GLI2: variants seen among roughly 807,000 people sequenced by gnomAD.
The protein encoded by GLI2 is transcription activator GLI2.
In GLI2, 22 loss-of-function variants were observed where a neutral mutation model predicts 78.9. The observed-to-expected ratio is 0.28, with a 90% CI of 0.20 to 0.40. The LOEUF is 0.40. GLI2 is among the 10% of genes least tolerant of loss of function. The pLI, the probability that GLI2 is intolerant of heterozygous loss-of-function variation, is 1.00. For synonymous variants in GLI2, 974 were observed against 963.7 expected (o/e 1.01, Z -0.20); for missense variants, 2,097 against 2,213.2 (o/e 0.95, Z 1.05).
intron 3 of GLI2, among the ~76,000 whole-genome samples, chr2:120,945,757 CAA>C (rs1180969932): frequency 6.6e-6 from 1 of 152,146 alleles, no homozygotes; most frequent in Non-Finnish European, 1.5e-5. Context: ...CAGAGAGAAC[CAA>C]AGACTCTAGC....
intron 1 of GLI2, among the ~76,000 whole-genome samples, chr2:120,779,946 C>G (rs969350436): frequency 6.6e-6 from 1 of 152,142 alleles, no homozygotes; most frequent in Non-Finnish European, 1.5e-5. Flanking sequence ...GTATGTGTCA[C>G]GGGTGTGTTT....
chr2:120,881,818 C>T (rs1253450250), intron 2 of GLI2, among the ~76,000 whole-genome samples: 5 of 9,650 alleles, frequency 5.2e-4, no homozygotes, highest in Non-Finnish European at 1.0e-3. Flanking sequence ...GGAGAACAGT[C>T]GTGGGGACAG....
At chr2:120,871,531 C>T (rs1688430662) in intron 2 of GLI2, among the ~76,000 whole-genome samples, 1 of 152,244 alleles carries the variant, frequency 6.6e-6, no homozygotes, top group African/African-American at 2.4e-5. Flanking sequence ...TCCTCCTGTG[C>T]ACCGGAGCTG....
At chr2:120,947,214 C>G (rs184922678) in intron 3 of GLI2, among the ~76,000 whole-genome samples, 1 of 152,342 alleles carries the variant, frequency 6.6e-6, no homozygotes, top group African/African-American at 2.4e-5. Context: ...ACTTCCCTGC[C>G]AGGGCACAGG....
chr2:120,785,269 G>A (rs533627046), intron 1 of GLI2, among the ~76,000 whole-genome samples: 6 of 152,300 alleles, frequency 3.9e-5, no homozygotes, highest in East Asian at 3.9e-4. Context: ...ATCCAGGGCC[G>A]GCTTAGCACG....
At chr2:120,940,346 C>T (rs567866899) in intron 3 of GLI2, among the ~76,000 whole-genome samples, 3 of 152,194 alleles carry the variant, frequency 2.0e-5, no homozygotes, top group Admixed American at 1.3e-4. Flanking sequence ...GATGTCTGGT[C>T]AGACCTTCAG....
intron 10 of GLI2, among the ~76,000 whole-genome samples, chr2:120,980,698 C>T (rs546104838): frequency 6.6e-6 from 1 of 152,140 alleles, no homozygotes; most frequent in African/African-American, 2.4e-5. Flanking sequence ...TTGCCTAATC[C>T]AAGGTCACAA....
At chr2:120,897,304 C>T (rs979856568) in intron 2 of GLI2, among the ~76,000 whole-genome samples, 1 of 152,208 alleles carries the variant, frequency 6.6e-6, no homozygotes, top group Non-Finnish European at 1.5e-5. Context: ...CCTGGCTCTG[C>T]CCAGAGTTGT....
At position 120,975,051 on chromosome 2, in the gene GLI2, C is replaced by G; in HGVS notation, c.1259C>G (p.Thr420Ser). 1 of 1,614,094 alleles carries G rather than the reference C, an allele frequency of 6.2e-7. No individual in the cohort carries two copies. The highest frequency in any genetic ancestry group is 8.5e-7 in the Non-Finnish European group (1 of 1,180,038). Residue 420 changes from threonine to serine, a missense_variant, in exon 9 of 14, where the codon ACC becomes AGC. By Grantham distance (58) the Thr-to-Ser change is moderately conservative (BLOSUM62 1). This residue lies in a region of GLI2 where 578 missense variants were observed against 612.0 expected (regional missense o/e 0.94). Coordinates refer to ENST00000361492, the MANE Select transcript of GLI2 (RefSeq NM_001374353.1). ...GAGGCTGAGGTGGTCATCTATGAGA[C>G]CAACTGCCACTGGGAAGACTGCACC... ...KQEAEVVIYE[T>S]NCHWEDCTKE...
chr2:120,811,143 G>A (rs147890218), intron 2 of GLI2, among the ~76,000 whole-genome samples: 370 of 152,318 alleles, frequency 2.4e-3, no homozygotes, highest in African/African-American at 8.3e-3. Flanking sequence ...GTAGAAGGGT[G>A]GCCCATGTGC....
In GLI2 at chr2:120,991,525, C is replaced by A. The variant is rs1369386323; in HGVS notation, c.*850C>A. On this transcript the variant is annotated 3_prime_UTR_variant, in exon 14 of 14. Coordinates refer to ENST00000361492, the MANE Select transcript of GLI2 (RefSeq NM_001374353.1). Reference sequence around the variant, plus strand: ...CTAAATACCTCGGGGCTGCTGGAGCCGCTGTGGGTTAGGGATGGACTGAGG... The same window carrying A: ...CTAAATACCTCGGGGCTGCTGGAGCAGCTGTGGGTTAGGGATGGACTGAGG... 1 of 152,644 alleles carries A rather than the reference C, an allele frequency of 6.6e-6. No individual in the cohort carries two copies. The highest frequency in any genetic ancestry group is 2.4e-5 in the African/African-American group (1 of 41,426). 9.5% of individuals were successfully genotyped at this position (152,644 alleles called of 1,614,324 possible).
chr2:120,741,956 G>T (rs1457645907), intron 1 of GLI2, among the ~76,000 whole-genome samples: 1 of 152,170 alleles, frequency 6.6e-6, no homozygotes, highest in East Asian at 1.9e-4. Flanking sequence ...CTCCCACCCG[G>T]GAAGGGCGCG....
At position 120,988,635 on chromosome 2, in the gene GLI2, C is replaced by G; in HGVS notation, c.2670C>G (p.Gly890=). 2.1e-6 allele frequency: 3 copies of G among 1,444,684 alleles called. No individual in the cohort carries two copies. The highest frequency in any genetic ancestry group is 2.7e-6 in the Non-Finnish European group (3 of 1,104,008). The allele number at this position is 1,444,684 out of a possible 1,614,324, so 89.5% of individuals were successfully genotyped here. Reference sequence around the variant, plus strand: ...GCCCCCCGCCCACTCCGCTGCCGGGCCTGGAGCGCATGAGCCTGCGGACCA... The same window carrying G: ...GCCCCCCGCCCACTCCGCTGCCGGGGCTGGAGCGCATGAGCCTGCGGACCA... ...TGGPPPTPLP[G]LERMSLRTRL... The change falls in exon 14 of 14, where the codon GGC becomes GGG. Residue 890 remains glycine (G), a synonymous_variant. Coordinates refer to ENST00000361492, the MANE Select transcript of GLI2 (RefSeq NM_001374353.1).
At chr2:120,739,129 A>G (rs1682452825) in intron 1 of GLI2, among the ~76,000 whole-genome samples, 1 of 152,152 alleles carries the variant, frequency 6.6e-6, no homozygotes, top group Non-Finnish European at 1.5e-5. Flanking sequence ...ACTGAAAAAT[A>G]CACAAATACT....
rs924981713 is a variant in GLI2, at chr2:120,797,166, C to T, written c.-30-125C>T. 90 of 750,290 alleles carry T rather than the reference C, an allele frequency of 1.2e-4. 1 individual carries two copies. Among genetic ancestry groups the T allele is most frequent in the Middle Eastern group, 2.5e-4 (1 of 3,958 alleles). The allele number at this position is 750,290 out of a possible 1,614,324, so 46.5% of individuals were successfully genotyped here. A position where few individuals can be genotyped will look rare whatever the true frequency, so the allele number is the denominator to read the frequency against. On this transcript the variant is annotated intron_variant, in intron 1 of 13. Transcript: ENST00000361492. Reference sequence around the variant, plus strand: ...CTCAAAATTAATTAAACCCTCCTTCCCAATTATAAGAGAATTAGAATGAAG... The same window carrying T: ...CTCAAAATTAATTAAACCCTCCTTCTCAATTATAAGAGAATTAGAATGAAG...
At chr2:120,958,755 T>C (rs997642621) in intron 5 of GLI2, among the ~76,000 whole-genome samples, 3 of 152,164 alleles carry the variant, frequency 2.0e-5, no homozygotes, top group Non-Finnish European at 4.4e-5. Context: ...CACGGTGCGC[T>C]AGGCCTTCTC....
At chr2:120,755,784 A>T (rs1683019575) in intron 1 of GLI2, among the ~76,000 whole-genome samples, 1 of 152,102 alleles carries the variant, frequency 6.6e-6, no homozygotes, top group African/African-American at 2.4e-5. Flanking sequence ...CAAAGTATGT[A>T]TCAAAGTTCT....
At chr2:120,880,324 G>T (rs1473452399) in intron 2 of GLI2, among the ~76,000 whole-genome samples, 6 of 152,180 alleles carry the variant, frequency 3.9e-5, no homozygotes, top group African/African-American at 1.4e-4. Flanking sequence ...TTTAATTAGA[G>T]AATTGGGCAA....
intron 3 of GLI2, among the ~76,000 whole-genome samples, chr2:120,945,380 A>G (rs1261770924): frequency 1.3e-5 from 2 of 152,198 alleles, no homozygotes; most frequent in Non-Finnish European, 2.9e-5. Flanking sequence ...GCCCAGACAC[A>G]GAAGGACATG....
Sources: gnomAD v4.1 joint callset for allele counts (sites outside exome capture counted in the v4.1 genomes callset) on GRCh38, gnomAD v4.1.1 for gene constraint, gnomAD v4.1.1 regional missense constraint, MANE v1.5 for transcripts, NCBI Gene and HGNC (gene_info 2026-07-23, HGNC 2026-07-21) for gene names.